The following LRP2 variants were observed in gnomAD, a reference collection of about 807,000 sequenced individuals.
LRP2 encodes low-density lipoprotein receptor-related protein 2.
A neutral mutation model predicts 531.0 loss-of-function variants in LRP2; 172 were observed. The observed-to-expected ratio is 0.32, with a 90% confidence interval of 0.29 to 0.37. LRP2 has a LOEUF of 0.37. Ranked by LOEUF, LRP2 falls within the 10% of genes least tolerant of loss-of-function variation. LRP2 has a pLI of 1.00. For synonymous variants in LRP2, 1,992 were observed against 2,027.6 expected (o/e 0.98, Z 0.47); for missense variants, 5,167 against 5,868.3 (o/e 0.88, Z 3.90).
At chr2:169,222,049 T>C (rs761407051) in intron 33 of LRP2, among the ~76,000 whole-genome samples, 1 of 152,328 alleles carries the variant, frequency 6.6e-6, no homozygotes, top group Admixed American at 6.5e-5. Flanking sequence ...AAACACGAAC[T>C]ACTCTTAGGC....
intron 63 of LRP2, among the ~76,000 whole-genome samples, chr2:169,161,872 A>C (rs1285507863): frequency 6.6e-6 from 1 of 152,226 alleles, no homozygotes; most frequent in African/African-American, 2.4e-5. Flanking sequence ...TTCAGGTACC[A>C]AGGATACTGC....
chr2:169,211,946 A>G (rs1192362481), intron 37 of LRP2, 22 bp downstream of exon 37: 1 of 1,613,700 alleles, frequency 6.2e-7, no homozygotes, highest in Non-Finnish European at 8.5e-7. Flanking sequence ...GTCAAATCTT[A>G]CTTATATTGG....
intron 59 of LRP2, 71 bp downstream of exon 59, chr2:169,170,480 A>T: frequency 8.4e-7 from 1 of 1,187,130 alleles, no homozygotes; most frequent in Non-Finnish European, 1.3e-6. Flanking sequence ...AAAGCCTTAT[A>T]AACACTAATT....
chr2:169,240,372 T>G (rs1453903364), intron 25 of LRP2, among the ~76,000 whole-genome samples: 1 of 152,240 alleles, frequency 6.6e-6, no homozygotes, highest in Non-Finnish European at 1.5e-5. Context: ...CCATGTGTAC[T>G]CTAACATATT....
intron 6 of LRP2, among the ~76,000 whole-genome samples, chr2:169,292,929 C>T (rs1029067903): frequency 9.2e-5 from 14 of 151,754 alleles, no homozygotes; most frequent in Admixed American, 6.6e-4. Context: ...GCAGACATGA[C>T]AACATCCAAC....
chr2:169,307,392 T>C lies in LRP2; in HGVS notation c.316A>G (p.Ser106Gly), dbSNP rs754114646. 6 of 1,594,798 alleles carry C rather than the reference T, an allele frequency of 3.8e-6. No individual in the cohort carries two copies. The Admixed American group carries it at 1.0e-4, about 27-fold the overall frequency. The change falls in exon 4 of 79, where the codon AGT becomes GGT. Residue 106 changes from serine (S) to glycine (G), a missense_variant. By Grantham distance (56) the Ser-to-Gly change is moderately conservative. Around this residue, in one of 6 missense-constraint regions of LRP2, gnomAD observed 2,811 missense variants for 3,058.0 expected, o/e 0.92. Transcript: ENST00000649046. ...GTTATCTGATGACTTGAGCATGTACTTTGTGCTGCGAAGAGAAAAAATTAT... is the reference window on the plus strand; with the variant it reads ...GTTATCTGATGACTTGAGCATGTACCTTGTGCTGCGAAGAGAAAAAATTAT... Reference protein sequence around the residue: ...GSDERQDCSQSTCSSHQITCS... With the variant: ...GSDERQDCSQGTCSSHQITCS...
chr2:169,168,781 TC>T (rs1439334744), intron 60 of LRP2, 105 bp from the exon 61 acceptor site: 1 of 1,229,734 alleles, frequency 8.1e-7, no homozygotes, highest in South Asian at 1.3e-5. Flanking sequence ...AGCCTGCTCT[TC>T]TTTATTCATC....
chr2:169,198,221 C>G (rs1025723358), intron 45 of LRP2, among the ~76,000 whole-genome samples: 3 of 151,946 alleles, frequency 2.0e-5, no homozygotes, highest in African/African-American at 7.3e-5. Context: ...CCAGACCAGC[C>G]TGGGTAACAC....
intron 16 of LRP2, among the ~76,000 whole-genome samples, chr2:169,268,612 A>G (rs1683303446): frequency 6.6e-6 from 1 of 152,224 alleles, no homozygotes; most frequent in Admixed American, 6.5e-5. Context: ...TCAAAATAAT[A>G]AGAGCTATTT....
intron 3 of LRP2, among the ~76,000 whole-genome samples, chr2:169,315,727 C>T (rs186027869): frequency 8.9e-4 from 134 of 151,244 alleles, no homozygotes; most frequent in South Asian, 2.3e-3. Context: ...AGATCAGCAT[C>T]AGTGTCAGAG....
intron 49 of LRP2, among the ~76,000 whole-genome samples, chr2:169,187,731 A>C (rs1687682084): frequency 6.6e-6 from 1 of 152,230 alleles, no homozygotes; most frequent in Admixed American, 6.5e-5. Flanking sequence ...TGATGGCCTG[A>C]ATATTTGCCC....
chr2:169,294,383 GT>G (rs1486064405), intron 5 of LRP2, 122 bp from the exon 6 acceptor site: 33 of 779,998 alleles, frequency 4.2e-5, no homozygotes, highest in Non-Finnish European at 6.9e-5. Context: ...TGGTGTGCTG[GT>G]AACTGTTTAA....
At chr2:169,308,977 T>C (rs998687889) in intron 3 of LRP2, among the ~76,000 whole-genome samples, 11 of 152,206 alleles carry the variant, frequency 7.2e-5, no homozygotes, top group Non-Finnish European at 1.2e-4. Flanking sequence ...TGCTCAGTGA[T>C]GATCAGCATT....
intron 71 of LRP2, among the ~76,000 whole-genome samples, chr2:169,141,781 G>A (rs1043481937): frequency 1.3e-5 from 2 of 151,782 alleles, no homozygotes; most frequent in Non-Finnish European, 3.0e-5. Context: ...AATATGGCTC[G>A]AAATATTGGA....
chr2:169,203,029 T>C (rs1176000473), intron 42 of LRP2, 70 bp from the exon 43 acceptor site: 8 of 1,274,818 alleles, frequency 6.3e-6, no homozygotes, highest in East Asian at 4.7e-5. Context: ...CCCTCCACAA[T>C]AGCACTTGCA....
At position 169,243,474 on chromosome 2, in the gene LRP2, C is replaced by T. The variant is rs574423999; in HGVS notation, c.3479G>A (p.Arg1160Gln). Residue 1160 changes from arginine (R) to glutamine (Q), a missense_variant, in exon 23 of 79, where the codon CGA becomes CAA. Physicochemically the swap from Arg to Gln is conservative, Grantham distance 43. Coordinates refer to ENST00000649046, the MANE Select transcript of LRP2 (RefSeq NM_004525.3). ...QPSQFNCPNH[R>Q]CIDLSFVCDG... ...ACAGACAAACGATAGGTCAATACAT[C>T]GATGATTGGGGCAATTAAACTGACT... 1.3e-5 allele frequency: 21 copies of T among 1,614,102 alleles called. No homozygotes were observed. The highest frequency in any genetic ancestry group is 1.7e-5 in the Admixed American group (1 of 60,014).
At chr2:169,200,066 T>TGC (rs1688146548) in intron 44 of LRP2, among the ~76,000 whole-genome samples, 3 of 152,074 alleles carry the variant, frequency 2.0e-5, no homozygotes, top group Admixed American at 6.5e-5. Context: ...CTGGCTAACA[T>TGC]GGTGAAACCT....
rs1302824157 is a variant in LRP2, at chr2:169,343,018, T to A, written c.79+19303A>T. On this transcript the variant is annotated intron_variant, in intron 1 of 78. Transcript: ENST00000649046. ...AAAATCAAGTGCTCCTCTTCAAGTG[T>A]AGTCTTCCCTGGGCAAATCCTTCTC... is the stretch of plus-strand genomic sequence containing the variant. 4.6e-5 allele frequency among the ~76,000 whole-genome samples: 7 copies of A among 152,268 alleles called. 1 individual carries two copies. In the Middle Eastern group the frequency reaches 0.01, roughly 222 times the overall value.
intron 42 of LRP2, among the ~76,000 whole-genome samples, chr2:169,203,257 G>A (rs999559951): frequency 1.3e-5 from 2 of 152,300 alleles, no homozygotes; most frequent in East Asian, 3.8e-4. Context: ...TGAATTTGTT[G>A]TTCTTTATAA....
Sources: allele counts gnomAD v4.1 joint callset (sites outside exome capture counted in the v4.1 genomes callset), GRCh38; gene constraint gnomAD v4.1.1; regional missense constraint gnomAD v4.1.1; transcripts MANE v1.5; gene names NCBI Gene and HGNC (gene_info 2026-07-23, HGNC 2026-07-21).